The following SCN11A variants were observed in gnomAD, a reference collection of about 807,000 sequenced individuals.
SCN11A encodes sodium channel protein type 11 subunit alpha.
In SCN11A, 122 loss-of-function variants were observed where a neutral mutation model predicts 162.2. That is an observed-to-expected ratio of 0.75 (90% CI 0.65 to 0.87). The LOEUF (loss-of-function observed/expected upper bound fraction) is 0.87, where lower values mean the gene tolerates loss of function less well. Among genes scored for constraint, SCN11A ranks in the 40% least tolerant of loss-of-function variants. The pLI is 0.00. For synonymous variants in SCN11A, 758 were observed against 751.5 expected (o/e 1.01, Z -0.14); for missense variants, 2,015 against 2,181.6 (o/e 0.92, Z 1.52).
At chr3:38,938,536 A>T (rs1575316559) in intron 7 of SCN11A, among the ~76,000 whole-genome samples, 1 of 23,530 alleles carries the variant, frequency 4.2e-5, no homozygotes, top group African/African-American at 1.6e-4. Flanking sequence ...ATATATATAT[A>T]TATATATATA....
At chr3:39,005,237 C>T (rs13082824) in intron 2 of SCN11A, among the ~76,000 whole-genome samples, 21,560 of 152,182 alleles carry the variant, frequency 0.14, 1,774 homozygotes, top group African/African-American at 0.22. Context: ...GGCCTGGCGC[C>T]GGGCTGCCTG....
intron 7 of SCN11A, among the ~76,000 whole-genome samples, chr3:38,937,907 G>A (rs1276955447): frequency 6.6e-6 from 1 of 152,110 alleles, no homozygotes; most frequent in Non-Finnish European, 1.5e-5. Flanking sequence ...TATAAATCAT[G>A]CTGCTATAAA....
chr3:38,847,459 A>C lies in SCN11A; in HGVS notation c.4611T>G (p.Phe1537Leu), dbSNP rs1403201132. Reference sequence around the variant, plus strand: ...GGAAGAGACAGAGCATGCTGCTGGCAAAAGTCTTGAAGTTGAATATGTCAT... The same window carrying C: ...GGAAGAGACAGAGCATGCTGCTGGCCAAAGTCTTGAAGTTGAATATGTCAT... Reference protein sequence around the residue: ...GIDDIFNFKTFASSMLCLFQI... With the variant: ...GIDDIFNFKTLASSMLCLFQI... The change falls in exon 30 of 30, where the codon TTT (phenylalanine) becomes TTG (leucine). Residue 1537 changes from phenylalanine to leucine, a missense_variant. Physicochemically the swap from Phe to Leu is conservative, Grantham distance 22 (BLOSUM62 0). Coordinates refer to ENST00000302328, the MANE Select transcript of SCN11A (RefSeq NM_001349253.2). 1 of 1,614,060 alleles carries C rather than the reference A, an allele frequency of 6.2e-7. No individual in the cohort carries two copies. The highest frequency in any genetic ancestry group is 2.2e-5 in the East Asian group (1 of 44,892).
At chr3:38,940,811 T>G (rs1472820226) in intron 7 of SCN11A, among the ~76,000 whole-genome samples, 1 of 152,064 alleles carries the variant, frequency 6.6e-6, no homozygotes, top group African/African-American at 2.4e-5. Context: ...TTTGTTAAAT[T>G]TAATAAAGGA....
chr3:38,902,485 T>A (rs902404952), intron 16 of SCN11A, among the ~76,000 whole-genome samples: 3 of 151,974 alleles, frequency 2.0e-5, no homozygotes, highest in Admixed American at 2.0e-4. Flanking sequence ...GATGTGGAAC[T>A]AAGGATGACA....
intron 9 of SCN11A, among the ~76,000 whole-genome samples, chr3:38,924,907 G>A (rs996801163): frequency 6.6e-6 from 1 of 151,802 alleles, no homozygotes. Context: ...TGTGCTGGCT[G>A]TTTCCCATGC....
chr3:38,916,268 TGTGTGCCTTTTAA>T (rs1370892000), intron 11 of SCN11A, among the ~76,000 whole-genome samples: 2 of 152,204 alleles, frequency 1.3e-5, no homozygotes, highest in African/African-American at 4.8e-5. Context: ...AGCTTGCCAT[TGTGTGCCTTTTAA>T]GTGGGGCATT....
At chr3:38,935,716 G>C (rs149549676) in intron 7 of SCN11A, among the ~76,000 whole-genome samples, 23 of 152,208 alleles carry the variant, frequency 1.5e-4, no homozygotes, top group African/African-American at 5.3e-4. Flanking sequence ...AACAGGCTCT[G>C]AAACTGTGGC....
intron 19 of SCN11A, among the ~76,000 whole-genome samples, chr3:38,889,075 T>C (rs1025196778): frequency 1.3e-5 from 2 of 152,188 alleles, no homozygotes; most frequent in South Asian, 2.1e-4. Context: ...GATATCTGCA[T>C]AAGGGGAAAA....
At chr3:38,900,915 T>C (rs1361494414) in intron 16 of SCN11A, among the ~76,000 whole-genome samples, 1 of 152,122 alleles carries the variant, frequency 6.6e-6, no homozygotes, top group African/African-American at 2.4e-5. Context: ...TAGTAGCCAA[T>C]TAAAAAATAA....
intron 13 of SCN11A, 53 bp from the exon 14 acceptor site, chr3:38,908,175 A>G (rs1235121021): frequency 6.6e-7 from 1 of 1,521,190 alleles, no homozygotes; most frequent in Non-Finnish European, 8.9e-7. Context: ...CTCATGAAAC[A>G]TTGCAAATGA....
chr3:38,923,556 C>T (rs2066087583), intron 9 of SCN11A, among the ~76,000 whole-genome samples: 1 of 152,216 alleles, frequency 6.6e-6, no homozygotes, highest in East Asian at 1.9e-4. Flanking sequence ...TGACTCCTCT[C>T]TTTTGCTCAC....
At chr3:38,978,354 A>G (rs546138508) in intron 2 of SCN11A, among the ~76,000 whole-genome samples, 7 of 152,356 alleles carry the variant, frequency 4.6e-5, no homozygotes, top group African/African-American at 1.7e-4. Context: ...TTAAAAATGA[A>G]TAACACTTTT....
chr3:38,879,272 G>T (rs1018336805), intron 23 of SCN11A, among the ~76,000 whole-genome samples: 1 of 152,172 alleles, frequency 6.6e-6, no homozygotes, highest in Non-Finnish European at 1.5e-5. Flanking sequence ...AAGGCATTTG[G>T]AGCATATGGA....
rs765228690 is a variant in SCN11A, at chr3:38,872,229, C to T, written c.3459G>A (p.Arg1153=). The T allele has an allele frequency of 6.2e-7, 1 of 1,609,564 alleles. No homozygotes were observed. The highest frequency in any genetic ancestry group is 8.5e-7 in the Non-Finnish European group (1 of 1,176,156). Reference sequence around the variant, plus strand: ...CAAACTGGGACAGCGCACGAAGAGGCCTCAGTGCTCGTAGAGTCCGGAAGG... The same window carrying T: ...CAAACTGGGACAGCGCACGAAGAGGTCTCAGTGCTCGTAGAGTCCGGAAGG... ...LKSFRTLRAL[R]PLRALSQFEG... is the part of the protein sequence containing the mutation. Residue 1153 remains arginine (R), a synonymous_variant, in exon 24 of 30, where the codon AGG becomes AGA. Transcript: ENST00000302328.
intron 2 of SCN11A, among the ~76,000 whole-genome samples, chr3:38,998,734 C>A (rs974514343): frequency 6.6e-6 from 1 of 151,632 alleles, no homozygotes; most frequent in African/African-American, 2.4e-5. Flanking sequence ...GCCATAAAAA[C>A]TGATGAGTTC....
rs751723188 is a variant in SCN11A at position 38,896,973 on chromosome 3, G to A, written c.2275C>T (p.Leu759=). 1.7e-5 allele frequency: 28 copies of A among 1,614,014 alleles called. No individual in the cohort carries two copies. Among genetic ancestry groups the A allele is most frequent in the Non-Finnish European group, 8.5e-7 (1 of 1,180,030 alleles). ...WHMGDFWHSF[L]VVFRILCGEW... is the part of the protein sequence containing the mutation. ...CCGCAGAGGATGCGGAATACCACTA[G>A]GAAGGAGTGCCAGAAATCCCCCATG... Residue 759 remains leucine (L), a synonymous_variant, in exon 18 of 30, where the codon CTA becomes TTA. Coordinates refer to ENST00000302328, the MANE Select transcript of SCN11A (RefSeq NM_001349253.2).
intron 19 of SCN11A, among the ~76,000 whole-genome samples, chr3:38,886,587 C>A (rs2065404663): frequency 6.6e-6 from 1 of 151,762 alleles, no homozygotes; most frequent in African/African-American, 2.4e-5. Context: ...AATTCAATGG[C>A]TAGATAATAA....
In SCN11A at chr3:38,846,946, T is replaced by G. The variant is rs534882975; in HGVS notation, c.5124A>C (p.Glu1708Asp). 6.2e-7 allele frequency: 1 copy of G among 1,614,042 alleles called. No homozygotes were observed. Among genetic ancestry groups the G allele is most frequent in the Non-Finnish European group, 8.5e-7 (1 of 1,180,024 alleles). Reference sequence around the variant, plus strand: ...GAGGATTGGCTTCCATGAACTTCTCTTCCATCATTGCTTTCATACTATCTA... The same window carrying G: ...GAGGATTGGCTTCCATGAACTTCTCGTCCATCATTGCTTTCATACTATCTA... ...DGLDSMKAMM[E>D]EKFMEANPLK... Residue 1708 changes from glutamate to aspartate, a missense_variant, in exon 30 of 30, where the codon GAA becomes GAC. Coordinates refer to ENST00000302328, the MANE Select transcript of SCN11A (RefSeq NM_001349253.2).
Sources: gnomAD v4.1 joint callset for allele counts (sites outside exome capture counted in the v4.1 genomes callset) on GRCh38, gnomAD v4.1.1 for gene constraint, MANE v1.5 for transcripts, NCBI Gene and HGNC (gene_info 2026-07-23, HGNC 2026-07-21) for gene names.